SPARCL1: variants seen among roughly 807,000 people sequenced by gnomAD.
SPARCL1 encodes the protein SPARC-like protein 1.
In SPARCL1, 52 loss-of-function variants were observed where a neutral mutation model predicts 67.1. The observed-to-expected ratio is 0.78, with a 90% CI of 0.62 to 0.98. The LOEUF (loss-of-function observed/expected upper bound fraction) is 0.98. SPARCL1 is among the 50% of genes least tolerant of loss of function. SPARCL1 has a pLI of 0.00. For synonymous variants in SPARCL1, 226 were observed against 267.8 expected, an observed-to-expected ratio of 0.84 and a Z score of 1.52; for missense variants, 717 against 782.4, an observed-to-expected ratio of 0.92 and a Z score of 1.00.
Position 87,508,329 on chromosome 4 carries a change from G to C in SPARCL1, c.-11-8744C>G, listed in dbSNP as rs564509582. 4.9e-4 allele frequency among the ~76,000 whole-genome samples: 74 copies of C among 151,884 alleles called. 2 individuals carry two copies. In the South Asian group the frequency reaches 0.015, roughly 30 times the overall value. Reference sequence around the variant, plus strand: ...TCCCACCTCAACCTCCCAAGTAGTTGAGGTTACAGGTGATTGCCACCACAC... The same window carrying C: ...TCCCACCTCAACCTCCCAAGTAGTTCAGGTTACAGGTGATTGCCACCACAC... On this transcript the variant is annotated intron_variant, in intron 1 of 10. Coordinates refer to ENST00000282470, the MANE Select transcript of SPARCL1 (RefSeq NM_004684.6).
chr4:87,527,603 G>A (rs1238468633), intron 1 of SPARCL1, among the ~76,000 whole-genome samples: 1 of 152,092 alleles, frequency 6.6e-6, no homozygotes, highest in Non-Finnish European at 1.5e-5. Flanking sequence ...GTGAATCTGT[G>A]CCATGAGGAG....
At chr4:87,476,634 C>T (rs1369175907) in intron 10 of SPARCL1, among the ~76,000 whole-genome samples, 1 of 152,108 alleles carries the variant, frequency 6.6e-6, no homozygotes, top group East Asian at 1.9e-4. Context: ...GGTTTTCTGA[C>T]GATTAGCATG....
intron 1 of SPARCL1, among the ~76,000 whole-genome samples, chr4:87,524,700 C>CTA: frequency 6.6e-6 from 1 of 152,282 alleles, no homozygotes; most frequent in South Asian, 2.1e-4. Flanking sequence ...GCTGCAGCAC[C>CTA]TGATTAAAGC....
At chr4:87,481,068 C>T (rs895743866) in intron 8 of SPARCL1, among the ~76,000 whole-genome samples, 4 of 152,084 alleles carry the variant, frequency 2.6e-5, no homozygotes, top group Admixed American at 1.3e-4. Context: ...GTATTCAAGA[C>T]GGGGGCTAGA....
At chr4:87,501,602 T>C (rs1724852192) in intron 1 of SPARCL1, among the ~76,000 whole-genome samples, 1 of 152,128 alleles carries the variant, frequency 6.6e-6, no homozygotes, top group Non-Finnish European at 1.5e-5. Flanking sequence ...TTCCCCAATG[T>C]TTTTATGAAC....
At chr4:87,503,132 G>A (rs1724917767) in intron 1 of SPARCL1, among the ~76,000 whole-genome samples, 1 of 152,188 alleles carries the variant, frequency 6.6e-6, no homozygotes, top group Admixed American at 6.5e-5. Context: ...GCTTTTTCCT[G>A]TTTGTGTTGA....
chr4:87,518,946 G>A (rs1725692366), intron 1 of SPARCL1, among the ~76,000 whole-genome samples: 1 of 152,154 alleles, frequency 6.6e-6, no homozygotes, highest in African/African-American at 2.4e-5. Context: ...TGATTTCAAT[G>A]AGCTAAGACA....
chr4:87,524,347 G>A (rs1297542503), intron 1 of SPARCL1, among the ~76,000 whole-genome samples: 1 of 152,180 alleles, frequency 6.6e-6, no homozygotes, highest in Non-Finnish European at 1.5e-5. Flanking sequence ...GGCCATTCAT[G>A]TCAGAGTTAG....
At chr4:87,499,622 A>G in intron 1 of SPARCL1, 37 bp from the exon 2 acceptor site, 1 of 1,488,556 alleles carries the variant, frequency 6.7e-7, no homozygotes, top group Non-Finnish European at 9.2e-7. Flanking sequence ...TGGCAGGGAA[A>G]AGTTTCCTCA....
chr4:87,498,516 T>G (rs1724715652), intron 2 of SPARCL1, among the ~76,000 whole-genome samples: 1 of 152,246 alleles, frequency 6.6e-6, no homozygotes, highest in Admixed American at 6.5e-5. Context: ...CATGAATCAT[T>G]TGCAGAACAT....
intron 5 of SPARCL1, among the ~76,000 whole-genome samples, chr4:87,491,121 G>A (rs1724308981): frequency 6.6e-6 from 1 of 152,116 alleles, no homozygotes; most frequent in Non-Finnish European, 1.5e-5. Context: ...ATTTCCTCTT[G>A]CAGCAGTTTG....
chr4:87,512,264 C>G (rs145907688), intron 1 of SPARCL1, among the ~76,000 whole-genome samples: 1 of 151,990 alleles, frequency 6.6e-6, no homozygotes, highest in African/African-American at 2.4e-5. Context: ...CCACCATGCC[C>G]GGCCCCAGAT....
At chr4:87,499,678 T>C in intron 1 of SPARCL1, 93 bp from the exon 2 acceptor site, 1 of 889,966 alleles carries the variant, frequency 1.1e-6, no homozygotes, top group South Asian at 1.5e-5. Context: ...CTTGATATTG[T>C]CCTTGGCATA....
chr4:87,506,898 A>G (rs1725109381), intron 1 of SPARCL1, among the ~76,000 whole-genome samples: 2 of 151,996 alleles, frequency 1.3e-5, no homozygotes, highest in South Asian at 2.1e-4. Context: ...AAAACATCTA[A>G]TTCAGTTTTG....
chr4:87,474,783 C>T (rs1326860651), intron 10 of SPARCL1, among the ~76,000 whole-genome samples: 8 of 139,730 alleles, frequency 5.7e-5, no homozygotes, highest in Admixed American at 5.6e-4. Context: ...CGCTCTTTCA[C>T]CCAGGCCAGA....
chr4:87,527,594 T>A (rs892874859), intron 1 of SPARCL1, among the ~76,000 whole-genome samples: 1 of 152,168 alleles, frequency 6.6e-6, no homozygotes, highest in Non-Finnish European at 1.5e-5. Context: ...AGTTGATATG[T>A]GAATCTGTGC....
rs535558639 is a variant in SPARCL1, at chr4:87,473,915, GTGA to G, written c.1967-115_1967-113del. ...AACCATCTAATAAGGCAGTATAATG[GTGA>G]TCCTCAACTTTGGTAGGACAGCAAC... On this transcript the variant is annotated intron_variant, in intron 10 of 10. Coordinates refer to ENST00000282470, the MANE Select transcript of SPARCL1 (RefSeq NM_004684.6). 2.8e-4 allele frequency: 187 copies of G among 672,410 alleles called. 1 individual carries two copies. Among genetic ancestry groups the G allele is most frequent in the Admixed American group, 9.8e-4 (38 of 38,830 alleles). The allele number at this position is 672,410 out of a possible 1,614,324, so 41.7% of individuals were successfully genotyped here.
intron 10 of SPARCL1, among the ~76,000 whole-genome samples, chr4:87,476,538 C>T (rs1327907347): frequency 6.6e-6 from 1 of 152,098 alleles, no homozygotes; most frequent in African/African-American, 2.4e-5. Flanking sequence ...TTTGGTGGCC[C>T]CCCAGTACTC....
chr4:87,488,470 C>G (rs577260307), intron 7 of SPARCL1, among the ~76,000 whole-genome samples: 1 of 152,160 alleles, frequency 6.6e-6, no homozygotes, highest in South Asian at 2.1e-4. Flanking sequence ...CTGGAAGCTT[C>G]GTCCCAGAGG....
Sources: gnomAD v4.1 joint callset for allele counts (sites outside exome capture counted in the v4.1 genomes callset) on GRCh38, gnomAD v4.1.1 for gene constraint, MANE v1.5 for transcripts, NCBI Gene and HGNC (gene_info 2026-07-23, HGNC 2026-07-21) for gene names.